The following DAB1 variants were observed in gnomAD, a reference collection of about 807,000 sequenced individuals.
DAB1 encodes the protein DAB adaptor protein 1.
A neutral mutation model predicts 64.6 loss-of-function variants in DAB1; 15 were observed. The observed-to-expected ratio is 0.23, with a 90% CI of 0.16 to 0.36. The LOEUF is 0.36. DAB1 is among the 10% of genes least tolerant of loss of function. The pLI is 1.00. For synonymous variants in DAB1, 235 were observed against 251.9 expected (o/e 0.93, Z 0.64); for missense variants, 596 against 706.7 (o/e 0.84, Z 1.78).
intron 3 of DAB1, among the ~76,000 whole-genome samples, chr1:58,437,056 A>G (rs1049490814): frequency 1.1e-4 from 17 of 151,122 alleles, no homozygotes; most frequent in Middle Eastern, 3.5e-3. Flanking sequence ...TGTAGATTTC[A>G]GACCTATCTT....
At chr1:57,489,397 C>G (rs1644134343) in intron 7 of DAB1, among the ~76,000 whole-genome samples, 1 of 152,154 alleles carries the variant, frequency 6.6e-6, no homozygotes, top group Admixed American at 6.5e-5. Context: ...CAAACTATCT[C>G]ATTACAAAGA....
chr1:58,237,339 G>A (rs1034463107), intron 4 of DAB1, among the ~76,000 whole-genome samples: 2 of 152,190 alleles, frequency 1.3e-5, no homozygotes, highest in South Asian at 4.1e-4. Context: ...AGGTTGGCAC[G>A]AAGAAGACAT....
chr1:58,359,491 C>T (rs1228617996), intron 3 of DAB1, among the ~76,000 whole-genome samples: 1 of 152,170 alleles, frequency 6.6e-6, no homozygotes, highest in African/African-American at 2.4e-5. Flanking sequence ...GGCATTGCCT[C>T]ATTCTGGAAC....
rs997226547 is a variant in DAB1 at position 57,180,828 on chromosome 1, C to T, written c.68-35399G>A. On this transcript the variant is annotated intron_variant, in intron 2 of 14. Transcript: ENST00000371236. ...ATATTCAGTTCAAATGCCAACTCCT[C>T]TTAACACCTCCTGTCTCCTCTACCC... 2.0e-5 allele frequency among the ~76,000 whole-genome samples: 3 copies of T among 152,212 alleles called. 1 individual carries two copies. The highest frequency in any genetic ancestry group is 7.2e-5 in the African/African-American group (3 of 41,454).
intron 7 of DAB1, among the ~76,000 whole-genome samples, chr1:57,563,757 T>G (rs2101513267): frequency 1.3e-5 from 2 of 152,274 alleles, no homozygotes; most frequent in East Asian, 3.9e-4. Flanking sequence ...CACCCACCAT[T>G]GCTGAGGCTT....
intron 5 of DAB1, among the ~76,000 whole-genome samples, chr1:57,896,025 G>T (rs2101988348): frequency 6.6e-6 from 1 of 152,308 alleles, no homozygotes; most frequent in African/African-American, 2.4e-5. Context: ...TAGCAGAAGG[G>T]ATGAGGCTTG....
At chr1:58,517,758 G>A (rs555584621) in intron 2 of DAB1, among the ~76,000 whole-genome samples, 25 of 152,192 alleles carry the variant, frequency 1.6e-4, no homozygotes, top group African/African-American at 5.8e-4. Context: ...CTAGCACCTA[G>A]GTCTGTAAGA....
chr1:57,173,385 C>A (rs1477755085), intron 2 of DAB1, among the ~76,000 whole-genome samples: 2 of 152,176 alleles, frequency 1.3e-5, no homozygotes, highest in Non-Finnish European at 2.9e-5. Context: ...ATAGTCAAAA[C>A]TTGGTTTCAT....
intron 5 of DAB1, among the ~76,000 whole-genome samples, chr1:58,045,620 A>G (rs191256925): frequency 0.01 from 1,334 of 127,500 alleles, 17 homozygotes; most frequent in African/African-American, 0.033. Flanking sequence ...ATTGCTAGGA[A>G]TATTTTTTTT....
At chr1:58,389,766 C>G (rs1036815051) in intron 3 of DAB1, among the ~76,000 whole-genome samples, 1 of 152,096 alleles carries the variant, frequency 6.6e-6, no homozygotes, top group Non-Finnish European at 1.5e-5. Context: ...TCAGTGCTGG[C>G]AGGGGAGAGA....
In DAB1 at chr1:56,996,422, T is replaced by A. The variant is rs1645617565; in HGVS notation, c.*1722A>T. On this transcript the variant is annotated 3_prime_UTR_variant, in exon 15 of 15. Transcript: ENST00000371236. ...CAATTCTCTGTAGGGCAAAAATATA[T>A]AGATTCTTTATGAAAATCATGTGCT... 6.6e-6 allele frequency: 1 copy of A among 152,184 alleles called. No individual in the cohort carries two copies. The allele number at this position is 152,184 out of a possible 1,614,324, so 9.4% of individuals were successfully genotyped here.
rs3768167 is a variant in DAB1 at position 57,136,790 on chromosome 1, G to A, written c.208-149C>T. On this transcript the variant is annotated intron_variant, in intron 3 of 14. Transcript: ENST00000371236. ...ACTTCCATATTTCTCTACTCAATGC[G>A]GCTCACATCTCCTTGGTGTTTTAGG... is the stretch of plus-strand genomic sequence containing the variant. 1,143 of 432,354 alleles carry A rather than the reference G, an allele frequency of 2.6e-3. 17 individuals carry two copies. The highest frequency in any genetic ancestry group is 0.024 in the South Asian group (378 of 15,770). 26.8% of individuals were successfully genotyped at this position (432,354 alleles called of 1,614,324 possible).
In DAB1 at chr1:57,092,748, C is replaced by T. The variant is rs138522063; in HGVS notation, c.307-20334G>A. 1.3e-3 allele frequency among the ~76,000 whole-genome samples: 191 copies of T among 148,678 alleles called. 2 individuals are homozygous for T. In the East Asian group the frequency reaches 0.02, roughly 16 times the overall value. ...CCCTGAGAGGGGAAGTGCAGGGTGA[C>T]GGGGGAAGCCATGGGAGAAGTCTCT... On this transcript the variant is annotated intron_variant, in intron 4 of 14. Transcript: ENST00000371236.
At chr1:58,024,308 G>C (rs1247220501) in intron 5 of DAB1, among the ~76,000 whole-genome samples, 1 of 151,990 alleles carries the variant, frequency 6.6e-6, no homozygotes, top group South Asian at 2.1e-4. Flanking sequence ...CTCGGGGTTT[G>C]AGTTGGCCTG....
chr1:57,854,259 C>T (rs375518087), intron 1 of DAB1, among the ~76,000 whole-genome samples: 17 of 152,128 alleles, frequency 1.1e-4, no homozygotes, highest in African/African-American at 4.1e-4. Flanking sequence ...TGAATAAATA[C>T]TACAGCCTTG....
intron 4 of DAB1, among the ~76,000 whole-genome samples, chr1:58,269,104 G>A (rs1179848988): frequency 5.3e-5 from 8 of 149,822 alleles, no homozygotes; most frequent in African/African-American, 1.2e-4. Flanking sequence ...ATGCTGGTGC[G>A]CTGCACCCAC....
At chr1:58,353,605 C>T (rs976475096) in intron 3 of DAB1, among the ~76,000 whole-genome samples, 7 of 152,076 alleles carry the variant, frequency 4.6e-5, no homozygotes, top group African/African-American at 1.7e-4. Flanking sequence ...GAAAATACCA[C>T]AAAACACATA....
chr1:57,921,767 T>A (rs541945647), intron 5 of DAB1, among the ~76,000 whole-genome samples: 2 of 151,660 alleles, frequency 1.3e-5, no homozygotes, highest in South Asian at 4.2e-4. Flanking sequence ...AAGCAGGAAA[T>A]CCTCTGCTTA....
chr1:58,242,584 C>G (rs1042398858), intron 4 of DAB1, among the ~76,000 whole-genome samples: 1 of 152,056 alleles, frequency 6.6e-6, no homozygotes. Context: ...TTTTTACTAA[C>G]CTTTATATCA....
Sources: gnomAD v4.1 joint callset for allele counts (sites outside exome capture counted in the v4.1 genomes callset) on GRCh38, gnomAD v4.1.1 for gene constraint, MANE v1.5 for transcripts, NCBI Gene and HGNC (gene_info 2026-07-23, HGNC 2026-07-21) for gene names.